The following STMN2 variants were observed in gnomAD, a reference collection of about 807,000 sequenced individuals.
The protein encoded by STMN2 is stathmin-2.
A neutral mutation model predicts 24.1 loss-of-function variants in STMN2; 2 were observed. The observed-to-expected ratio is 0.08, with a 90% CI of 0.03 to 0.26. STMN2 has a LOEUF of 0.26. Among genes scored for constraint, STMN2 ranks in the 10% least tolerant of loss-of-function variants. The probability of loss-of-function intolerance (pLI) is 1.00; values close to 1 mark genes in which losing one functional copy is unlikely to be tolerated. For synonymous variants in STMN2, 83 were observed against 77.5 expected, an observed-to-expected ratio of 1.07 and a Z score of -0.37; for missense variants, 114 against 213.6, an observed-to-expected ratio of 0.53 and a Z score of 2.91.
chr8:79,641,659 CACACACACACACAT>C (rs915721319), intron 3 of STMN2, 109 bp downstream of exon 3: 7 of 808,926 alleles, frequency 8.7e-6, no homozygotes, highest in South Asian at 1.9e-5. Flanking sequence ...CACACACACA[CACACACACACACAT>C]ACAGAGAGCA....
chr8:79,658,332 C>A (rs1044262022), intron 4 of STMN2, among the ~76,000 whole-genome samples: 4 of 152,016 alleles, frequency 2.6e-5, no homozygotes, highest in African/African-American at 9.7e-5. Context: ...AAAAAGATGA[C>A]CACTTCTGAA....
chr8:79,619,481 G>A (rs186929091), intron 1 of STMN2, among the ~76,000 whole-genome samples: 1 of 152,186 alleles, frequency 6.6e-6, no homozygotes, highest in East Asian at 1.9e-4. Context: ...CTAGTGAGGA[G>A]CAACCTAACT....
intron 4 of STMN2, chr8:79,663,500 T>C: frequency 1.2e-6 from 1 of 848,306 alleles, no homozygotes; most frequent in Non-Finnish European, 1.7e-6. Flanking sequence ...TAATAAATAT[T>C]CAGTATTATG....
chr8:79,637,333 A>T (rs1299054329), intron 2 of STMN2, among the ~76,000 whole-genome samples: 1 of 152,200 alleles, frequency 6.6e-6, no homozygotes, highest in Non-Finnish European at 1.5e-5. Context: ...CTTTGTATAT[A>T]CATGTCAACC....
At chr8:79,661,722 C>A (rs1455145471) in intron 4 of STMN2, among the ~76,000 whole-genome samples, 1 of 152,034 alleles carries the variant, frequency 6.6e-6, no homozygotes, top group East Asian at 1.9e-4. Context: ...AAGATTAAGT[C>A]ATTTGGCCAA....
chr8:79,618,805 A>C (rs1038427831), intron 1 of STMN2, among the ~76,000 whole-genome samples: 1 of 152,160 alleles, frequency 6.6e-6, no homozygotes, highest in Non-Finnish European at 1.5e-5. Context: ...TTCAGCCATC[A>C]TTTTGCTGGT....
intron 4 of STMN2, among the ~76,000 whole-genome samples, chr8:79,658,032 G>A (rs1005613125): frequency 2.0e-5 from 3 of 152,220 alleles, no homozygotes; most frequent in Admixed American, 6.5e-5. Context: ...GCTCACACCT[G>A]TAATCCCAGC....
chr8:79,625,953 C>T (rs961476768), intron 1 of STMN2, among the ~76,000 whole-genome samples: 1 of 152,138 alleles, frequency 6.6e-6, no homozygotes, highest in African/African-American at 2.4e-5. Context: ...GAGCAAAAAA[C>T]TCTGACTCAA....
intron 1 of STMN2, among the ~76,000 whole-genome samples, chr8:79,626,432 C>A (rs912595557): frequency 2.0e-5 from 3 of 152,188 alleles, no homozygotes; most frequent in African/African-American, 7.2e-5. Context: ...CCAGTAGTTC[C>A]ATTTTCAAAC....
chr8:79,611,755 C>A lies in STMN2; in HGVS notation c.19+541C>A, dbSNP rs1175044111. 8 of 980,542 alleles carry A rather than the reference C, an allele frequency of 8.2e-6. 1 individual carries two copies. In the Admixed American group the frequency reaches 4.3e-4, roughly 53 times the overall value. The allele number at this position is 980,542 out of a possible 1,614,324, so 60.7% of individuals were successfully genotyped here. ...GGCACATTTTACGGTATTGTCTCGT[C>A]GAAGAAACCGCTAGTCCTGGGGTGC... On this transcript the variant is annotated intron_variant, in intron 1 of 4. Transcript: ENST00000220876.
intron 1 of STMN2, among the ~76,000 whole-genome samples, chr8:79,634,786 T>C (rs1809903099): frequency 6.6e-6 from 1 of 152,162 alleles, no homozygotes; most frequent in Admixed American, 6.5e-5. Context: ...GGGTTGAATA[T>C]GTTTCTTTCT....
chr8:79,627,877 T>C (rs1809695266), intron 1 of STMN2, among the ~76,000 whole-genome samples: 1 of 152,242 alleles, frequency 6.6e-6, no homozygotes, highest in Non-Finnish European at 1.5e-5. Context: ...TGTTCCTGTC[T>C]TATTTCACTT....
chr8:79,648,703 T>C (rs1488481378), intron 3 of STMN2, among the ~76,000 whole-genome samples: 1 of 152,102 alleles, frequency 6.6e-6, no homozygotes, highest in African/African-American at 2.4e-5. Context: ...CCTCAGGTGA[T>C]CCACCCACCT....
chr8:79,634,194 C>CAATT (rs1809882870), intron 1 of STMN2, among the ~76,000 whole-genome samples: 1 of 152,166 alleles, frequency 6.6e-6, no homozygotes, highest in Admixed American at 6.5e-5. Context: ...TTACTGTTTT[C>CAATT]AATTAGTTCA....
chr8:79,656,958 C>T (rs1407258793), intron 4 of STMN2, among the ~76,000 whole-genome samples: 1 of 152,126 alleles, frequency 6.6e-6, no homozygotes, highest in Non-Finnish European at 1.5e-5. Context: ...ACTGCAACCT[C>T]TGCCTCCTGG....
chr8:79,657,540 G>C (rs1366928773), intron 4 of STMN2, among the ~76,000 whole-genome samples: 1 of 152,144 alleles, frequency 6.6e-6, no homozygotes, highest in Non-Finnish European at 1.5e-5. Context: ...GAGAACTAGT[G>C]GTTCGTAGCC....
intron 1 of STMN2, among the ~76,000 whole-genome samples, chr8:79,624,527 T>C (rs1005939826): frequency 9.2e-5 from 14 of 151,612 alleles, no homozygotes; most frequent in African/African-American, 3.4e-4. Flanking sequence ...TACTGGACTT[T>C]GTGTCCAGCT....
chr8:79,623,938 A>C (rs1440023811), intron 1 of STMN2, among the ~76,000 whole-genome samples: 1 of 152,230 alleles, frequency 6.6e-6, no homozygotes, highest in African/African-American at 2.4e-5. Flanking sequence ...TTTTAAAAAA[A>C]CGTTTTGTGG....
chr8:79,650,306 G>A (rs1436507536), intron 3 of STMN2, among the ~76,000 whole-genome samples: 2 of 152,096 alleles, frequency 1.3e-5, no homozygotes, highest in Admixed American at 6.5e-5. Flanking sequence ...ATAAGTCCAC[G>A]CAATCACAAT....
Sources: gnomAD v4.1 joint callset for allele counts (sites outside exome capture counted in the v4.1 genomes callset) on GRCh38, gnomAD v4.1.1 for gene constraint, MANE v1.5 for transcripts, NCBI Gene and HGNC (gene_info 2026-07-23, HGNC 2026-07-21) for gene names.